The following RTL6 variants were observed in gnomAD, a reference collection of about 807,000 sequenced individuals.
RTL6 encodes retrotransposon Gag-like protein 6.
Under a neutral mutation model 12.4 loss-of-function variants are expected in RTL6, and 9 were observed. The ratio of observed to expected loss-of-function variants is 0.73; its 90% CI spans 0.44 to 1.27. RTL6 has a LOEUF of 1.27. Ranked by LOEUF, RTL6 falls within the 50% of genes most tolerant of loss-of-function variation. The probability of loss-of-function intolerance (pLI) is 0.00; values close to 1 mark genes in which losing one functional copy is unlikely to be tolerated. For missense variants in RTL6, 291 were observed against 330.7 expected, an observed-to-expected ratio of 0.88 and a Z score of 0.93; for synonymous variants, 160 against 142.8, an observed-to-expected ratio of 1.12 and a Z score of -0.86.
rs917606609 is a variant in RTL6, at chr22:44,492,733, G to A, written c.*4104C>T. The A allele has an allele frequency of 6.6e-6, 1 of 152,224 alleles. No individual in the cohort carries two copies. Among genetic ancestry groups the A allele is most frequent in the Non-Finnish European group, 1.5e-5 (1 of 68,034 alleles). 9.4% of individuals were successfully genotyped at this position (152,224 alleles called of 1,614,324 possible). On this transcript the variant is annotated 3_prime_UTR_variant, in exon 2 of 2. Transcript: ENST00000341255. Reference sequence around the variant, plus strand: ...ATGTTCAACCGTGCTAGAAGTCAGTGAAATGCCAACTGAAACACGATGCTA... The same window carrying A: ...ATGTTCAACCGTGCTAGAAGTCAGTAAAATGCCAACTGAAACACGATGCTA...
At position 44,497,215 on chromosome 22, in the gene RTL6, C is replaced by A. The variant is rs1277243680; in HGVS notation, c.342G>T (p.Gly114=). The A allele has an allele frequency of 1.2e-6, 2 of 1,614,116 alleles. No homozygotes were observed. Among genetic ancestry groups the A allele is most frequent in the Admixed American group, 1.7e-5 (1 of 60,032 alleles). ...TGAATCTGTCCATCTGCATCAGGAA[C>A]CCCGCCAACCGGCCTGGGTCCCCGG... ...PFSGDPGRLA[G]FLMQMDRFMI... The change falls in exon 2 of 2, where the codon GGG becomes GGT. Residue 114 remains glycine, a synonymous_variant. Coordinates refer to ENST00000341255, the MANE Select transcript of RTL6 (RefSeq NM_032287.3).
In RTL6 at chr22:44,496,639, G is replaced by A. The variant is rs1924455061; in HGVS notation, c.*198C>T. 4 of 679,518 alleles carry A rather than the reference G, an allele frequency of 5.9e-6. No individual in the cohort carries two copies. The highest frequency in any genetic ancestry group is 1.0e-5 in the Non-Finnish European group (4 of 393,040). 42.1% of individuals were successfully genotyped at this position (679,518 alleles called of 1,614,324 possible). A position where few individuals can be genotyped will look rare whatever the true frequency, so the allele number is the denominator to read the frequency against. The stretch of plus-strand genomic sequence containing the variant: ...TGAGCGATAGGTACAAAGCTAGCAC[G>A]TAAGAGGAAGCACGGCAAGGTGGGC... On this transcript the variant is annotated 3_prime_UTR_variant, in exon 2 of 2. Transcript: ENST00000341255.
chr22:44,497,009 T>C lies in RTL6; in HGVS notation c.548A>G (p.His183Arg). 1 of 1,614,062 alleles carries C rather than the reference T, an allele frequency of 6.2e-7. No homozygotes were observed. Reference protein sequence around the residue: ...LRRTYKSPLRHARRAQIRKTS... With the variant: ...LRRTYKSPLRRARRAQIRKTS... ...CTTCCTGATTTGGGCGCGCCGCGCA[T>C]GCCGGAGCGGAGACTTGTAGGTTCT... The change falls in exon 2 of 2, where the codon CAT (histidine) becomes CGT (arginine). Residue 183 changes from histidine to arginine, a missense_variant. Physicochemically the swap from His to Arg is conservative, Grantham distance 29 (BLOSUM62 0). Coordinates refer to ENST00000341255, the MANE Select transcript of RTL6 (RefSeq NM_032287.3).
In RTL6 at chr22:44,497,026, G is replaced by A. The variant is rs903944125; in HGVS notation, c.531C>T (p.Tyr177=). 2.5e-6 allele frequency: 4 copies of A among 1,613,958 alleles called. No individual in the cohort carries two copies. The African/African-American group carries it at 4.0e-5, about 16-fold the overall frequency. ...GCCGCGCATGCCGGAGCGGAGACTT[G>A]TAGGTTCTCCGCAACTCTGCCAGGA... ...QGFLAELRRT[Y]KSPLRHARRA... The change falls in exon 2 of 2, where the codon TAC becomes TAT. Residue 177 remains tyrosine, a synonymous_variant. Coordinates refer to ENST00000341255, the MANE Select transcript of RTL6 (RefSeq NM_032287.3).
chr22:44,497,559 T>G lies in RTL6; in HGVS notation c.-3A>C. 1 of 1,612,864 alleles carries G rather than the reference T, an allele frequency of 6.2e-7. No individual in the cohort carries two copies. The highest frequency in any genetic ancestry group is 8.5e-7 in the Non-Finnish European group (1 of 1,179,582). Reference sequence around the variant, plus strand: ...TTGGACGTCTGCGGCTGCACCATGCTGGCCAGAGGTCAGCCACACGCTGAG... The same window carrying G: ...TTGGACGTCTGCGGCTGCACCATGCGGGCCAGAGGTCAGCCACACGCTGAG... On this transcript the variant is annotated 5_prime_UTR_variant, in exon 2 of 2. Transcript: ENST00000341255.
At position 44,496,730 on chromosome 22, in the gene RTL6, G is replaced by A; in HGVS notation, c.*107C>T. ...GGAACACGTCTGGAGAGGCAAGAAGGGAGGTCTTCAAACAGGGGCAAAGCT... is the reference window on the plus strand; with the variant it reads ...GGAACACGTCTGGAGAGGCAAGAAGAGAGGTCTTCAAACAGGGGCAAAGCT... On this transcript the variant is annotated 3_prime_UTR_variant, in exon 2 of 2. Coordinates refer to ENST00000341255, the MANE Select transcript of RTL6 (RefSeq NM_032287.3). 2 of 1,337,344 alleles carry A rather than the reference G, an allele frequency of 1.5e-6. No homozygotes were observed. The highest frequency in any genetic ancestry group is 2.9e-5 in the African/African-American group (2 of 68,462). 82.8% of individuals were successfully genotyped at this position (1,337,344 alleles called of 1,614,324 possible).
In RTL6 at chr22:44,493,115, A is replaced by T. The variant is rs865786414; in HGVS notation, c.*3722T>A. The stretch of plus-strand genomic sequence containing the variant: ...CAAAATAAAATATTTAGTAATCATA[A>T]GGGGAGATGCCCACGATATGCTAAG... On this transcript the variant is annotated 3_prime_UTR_variant, in exon 2 of 2. Transcript: ENST00000341255. 6.6e-6 allele frequency: 1 copy of T among 152,226 alleles called. No homozygotes were observed. Among genetic ancestry groups the T allele is most frequent in the Non-Finnish European group, 1.5e-5 (1 of 68,050 alleles). 9.4% of individuals were successfully genotyped at this position (152,226 alleles called of 1,614,324 possible).
In RTL6 at chr22:44,497,606, G is replaced by A; in HGVS notation, c.-50C>T. On this transcript the variant is annotated 5_prime_UTR_variant, in exon 2 of 2. Transcript: ENST00000341255. ...TGAGATCCGCGGGTGGACCAAGAGGGTGTGGTGACCAGGTGGGCCCCTGTA... is the reference window on the plus strand; with the variant it reads ...TGAGATCCGCGGGTGGACCAAGAGGATGTGGTGACCAGGTGGGCCCCTGTA... 6.3e-7 allele frequency: 1 copy of A among 1,589,232 alleles called. No individual in the cohort carries two copies. The highest frequency in any genetic ancestry group is 8.6e-7 in the Non-Finnish European group (1 of 1,167,674).
rs1924347317 is a variant in RTL6, at chr22:44,493,081, C to T, written c.*3756G>A. 2.6e-5 allele frequency: 4 copies of T among 152,172 alleles called. No individual in the cohort carries two copies. The highest frequency in any genetic ancestry group is 9.7e-5 in the African/African-American group (4 of 41,424). 9.4% of individuals were successfully genotyped at this position (152,172 alleles called of 1,614,324 possible). On this transcript the variant is annotated 3_prime_UTR_variant, in exon 2 of 2. Coordinates refer to ENST00000341255, the MANE Select transcript of RTL6 (RefSeq NM_032287.3). Reference sequence around the variant, plus strand: ...TCCATCTAGTCAATGGGAGAGTACACAGCCACTCCAAAATAAAATATTTAG... The same window carrying T: ...TCCATCTAGTCAATGGGAGAGTACATAGCCACTCCAAAATAAAATATTTAG...
Position 44,492,722 on chromosome 22 carries a change from TA to T in RTL6, c.*4114del, listed in dbSNP as rs1347576467. ...CCACATGAAAGATGTTCAACCGTGCTAGAAGTCAGTGAAATGCCAACTGAAA... is the reference window on the plus strand; with the variant it reads ...CCACATGAAAGATGTTCAACCGTGCTGAAGTCAGTGAAATGCCAACTGAAA... On this transcript the variant is annotated 3_prime_UTR_variant, in exon 2 of 2. Transcript: ENST00000341255. 1 of 152,246 alleles carries T rather than the reference TA, an allele frequency of 6.6e-6. No individual in the cohort carries two copies. Among genetic ancestry groups the T allele is most frequent in the African/African-American group, 2.4e-5 (1 of 41,468 alleles). 9.4% of individuals were successfully genotyped at this position (152,246 alleles called of 1,614,324 possible). A position where few individuals can be genotyped will look rare whatever the true frequency, so the allele number is the denominator to read the frequency against.
rs775298869 is a variant in RTL6, at chr22:44,497,407, C to T, written c.150G>A (p.Lys50=). ...RREASTLRAE[K]ANLTNMLESV... ...TCTCCAGCATGTTGGTGAGATTGGC[C>T]TTCTCCGCCCGCAGGGTGGAAGCCT... Residue 50 remains lysine (K), a synonymous_variant, in exon 2 of 2, where the codon AAG becomes AAA. Transcript: ENST00000341255. 1.2e-6 allele frequency: 2 copies of T among 1,614,058 alleles called. No individual in the cohort carries two copies. The highest frequency in any genetic ancestry group is 2.2e-5 in the East Asian group (1 of 44,878).
rs1404291010 is a variant in RTL6, at chr22:44,494,690, G to C, written c.*2147C>G. On this transcript the variant is annotated 3_prime_UTR_variant, in exon 2 of 2. Coordinates refer to ENST00000341255, the MANE Select transcript of RTL6 (RefSeq NM_032287.3). Reference sequence around the variant, plus strand: ...TGTGGACAGGGAGTGTGTGGACAGGGAGTGTGTGGACAGGGAGCGTGGCCG... The same window carrying C: ...TGTGGACAGGGAGTGTGTGGACAGGCAGTGTGTGGACAGGGAGCGTGGCCG... 1 of 152,586 alleles carries C rather than the reference G, an allele frequency of 6.6e-6. No homozygotes were observed. Among genetic ancestry groups the C allele is most frequent in the Non-Finnish European group, 1.5e-5 (1 of 68,474 alleles). The allele number at this position is 152,586 out of a possible 1,614,324, so 9.5% of individuals were successfully genotyped here. A position where few individuals can be genotyped will look rare whatever the true frequency, so the allele number is the denominator to read the frequency against.
chr22:44,496,806 G>A lies in RTL6; in HGVS notation c.*31C>T, dbSNP rs1924460568. 2 of 1,526,552 alleles carry A rather than the reference G, an allele frequency of 1.3e-6. No individual in the cohort carries two copies. The highest frequency in any genetic ancestry group is 1.4e-5 in the African/African-American group (1 of 72,098). The allele number at this position is 1,526,552 out of a possible 1,614,324, so 94.6% of individuals were successfully genotyped here. On this transcript the variant is annotated 3_prime_UTR_variant, in exon 2 of 2. Transcript: ENST00000341255. Reference sequence around the variant, plus strand: ...GCAAAGAGCGTATGCTACCTGGGTGGCTGCAGACGCTACCAAGTGCTGGCG... The same window carrying A: ...GCAAAGAGCGTATGCTACCTGGGTGACTGCAGACGCTACCAAGTGCTGGCG...
Position 44,497,409 on chromosome 22 carries a change from TCTC to T in RTL6, c.145_147del (p.Glu49del). 1 of 1,614,064 alleles carries T rather than the reference TCTC, an allele frequency of 6.2e-7. No individual in the cohort carries two copies. The highest frequency in any genetic ancestry group is 8.5e-7 in the Non-Finnish European group (1 of 1,179,990). ...TCCAGCATGTTGGTGAGATTGGCCT[TCTC>T]CGCCCGCAGGGTGGAAGCCTCCCGC... On this transcript the variant is annotated inframe_deletion, in exon 2 of 2. Coordinates refer to ENST00000341255, the MANE Select transcript of RTL6 (RefSeq NM_032287.3).
rs1924343629 is a variant in RTL6, at chr22:44,492,962, T to C, written c.*3875A>G. 1.3e-5 allele frequency: 2 copies of C among 152,202 alleles called. No homozygotes were observed. Among genetic ancestry groups the C allele is most frequent in the Admixed American group, 6.5e-5 (1 of 15,268 alleles). The allele number at this position is 152,202 out of a possible 1,614,324, so 9.4% of individuals were successfully genotyped here. A position where few individuals can be genotyped will look rare whatever the true frequency, so the allele number is the denominator to read the frequency against. On this transcript the variant is annotated 3_prime_UTR_variant, in exon 2 of 2. Coordinates refer to ENST00000341255, the MANE Select transcript of RTL6 (RefSeq NM_032287.3). ...ACCTCCTGGAGTCTACCCTAATAAC[T>C]TGACATTGGGAAACAGCCTGTGCAC...
Position 44,496,758 on chromosome 22 carries a change from C to G in RTL6, c.*79G>C. On this transcript the variant is annotated 3_prime_UTR_variant, in exon 2 of 2. Transcript: ENST00000341255. ...GGTCTTCAAACAGGGGCAAAGCTGT[C>G]GTATGGGCATTTCTTCTACACAGCA... 2.0e-6 allele frequency: 3 copies of G among 1,482,042 alleles called. No homozygotes were observed. The highest frequency in any genetic ancestry group is 1.8e-6 in the Non-Finnish European group (2 of 1,109,332). The allele number at this position is 1,482,042 out of a possible 1,614,324, so 91.8% of individuals were successfully genotyped here. A position where few individuals can be genotyped will look rare whatever the true frequency, so the allele number is the denominator to read the frequency against.
At position 44,497,033 on chromosome 22, in the gene RTL6, C is replaced by T. The variant is rs1309364367; in HGVS notation, c.524G>A (p.Arg175Lys). ...NYQGFLAELR[R>K]TYKSPLRHAR... ...ATGCCGGAGCGGAGACTTGTAGGTT[C>T]TCCGCAACTCTGCCAGGAACCCCTG... The change falls in exon 2 of 2, where the codon AGA (arginine) becomes AAA (lysine). Residue 175 changes from arginine to lysine, a missense_variant. Coordinates refer to ENST00000341255, the MANE Select transcript of RTL6 (RefSeq NM_032287.3). 6.2e-7 allele frequency: 1 copy of T among 1,613,948 alleles called. No individual in the cohort carries two copies. The highest frequency in any genetic ancestry group is 8.5e-7 in the Non-Finnish European group (1 of 1,180,016).
rs1555952609 is a variant in RTL6 at position 44,495,662 on chromosome 22, C to CCCG, written c.*1174_*1175insCGG. 2.3e-5 allele frequency: 1 copy of CCCG among 43,482 alleles called. No homozygotes were observed. The highest frequency in any genetic ancestry group is 9.9e-5 in the African/African-American group (1 of 10,116). 2.7% of individuals were successfully genotyped at this position (43,482 alleles called of 1,614,324 possible). On this transcript the variant is annotated 3_prime_UTR_variant, in exon 2 of 2. Coordinates refer to ENST00000341255, the MANE Select transcript of RTL6 (RefSeq NM_032287.3). ...CTGGCTGGGTTGCCAGAGGCAGACA[C>CCCG]CCCCCCCGGCCTTAAGTGCTTAAGG...
chr22:44,497,697 G>A lies in RTL6; in HGVS notation c.-141C>T, dbSNP rs1416979488. On this transcript the variant is annotated 5_prime_UTR_variant, in exon 2 of 2. Coordinates refer to ENST00000341255, the MANE Select transcript of RTL6 (RefSeq NM_032287.3). ...CGAGACCCCCAAGCCGAGGGCCCGAGAGAGGGGCACGCGGTGCCAGGCCCT... is the reference window on the plus strand; with the variant it reads ...CGAGACCCCCAAGCCGAGGGCCCGAAAGAGGGGCACGCGGTGCCAGGCCCT... The A allele has an allele frequency of 2.6e-5, 31 of 1,176,014 alleles. No individual in the cohort carries two copies. Among genetic ancestry groups the A allele is most frequent in the Non-Finnish European group, 3.5e-5 (30 of 848,574 alleles). 72.8% of individuals were successfully genotyped at this position (1,176,014 alleles called of 1,614,324 possible). A position where few individuals can be genotyped will look rare whatever the true frequency, so the allele number is the denominator to read the frequency against.
Sources: gnomAD v4.1 joint callset for allele counts on GRCh38, gnomAD v4.1.1 for gene constraint, MANE v1.5 for transcripts, NCBI Gene and HGNC (gene_info 2026-07-23, HGNC 2026-07-21) for gene names.